PPP3R1: variants seen among roughly 807,000 people sequenced by gnomAD.
The protein encoded by PPP3R1 is calcineurin subunit B type 1.
In PPP3R1, 5 loss-of-function variants were observed where a neutral mutation model predicts 22.6. The observed-to-expected ratio is 0.22, with a 90% CI of 0.12 to 0.46. The LOEUF is 0.46. Ranked by LOEUF, PPP3R1 falls within the 20% of genes least tolerant of loss-of-function variation. The pLI, the probability that PPP3R1 is intolerant of heterozygous loss-of-function variation, is 0.99. For missense variants in PPP3R1, 61 were observed against 203.2 expected (o/e 0.30, Z 4.25); for synonymous variants, 56 against 65.2 (o/e 0.86, Z 0.68).
intron 1 of PPP3R1, among the ~76,000 whole-genome samples, chr2:68,241,427 G>A (rs1208197839): frequency 2.0e-5 from 3 of 152,076 alleles, no homozygotes; most frequent in African/African-American, 4.8e-5. Context: ...ATATACATAT[G>A]TACTGCACTA....
At position 68,238,112 on chromosome 2, in the gene PPP3R1, C is replaced by T. The variant is rs185869103; in HGVS notation, c.3+14013G>A. Among the ~76,000 whole-genome samples, 77 of 152,208 alleles carry T rather than the reference C, an allele frequency of 5.1e-4. No homozygotes were observed. In the Middle Eastern group the frequency reaches 0.01, roughly 20 times the overall value. ...GTTTTCTAAACACTTATCCACAGGA[C>T]TTGCAAAGGTCTCCCTAGTCCTAGA... On this transcript the variant is annotated intron_variant, in intron 1 of 5. Transcript: ENST00000234310.
intron 1 of PPP3R1, among the ~76,000 whole-genome samples, chr2:68,226,160 G>A (rs748793041): frequency 1.3e-5 from 2 of 152,156 alleles, no homozygotes; most frequent in Non-Finnish European, 2.9e-5. Context: ...AGGTGTTGTG[G>A]GGTAGAGGGG....
chr2:68,243,657 T>C (rs1218538633), intron 1 of PPP3R1, among the ~76,000 whole-genome samples: 9 of 152,152 alleles, frequency 5.9e-5, no homozygotes, highest in Admixed American at 5.9e-4. Flanking sequence ...ATGGTCATAG[T>C]TCAGACCCTC....
chr2:68,215,395 T>C (rs1669561141), intron 2 of PPP3R1, among the ~76,000 whole-genome samples: 1 of 152,168 alleles, frequency 6.6e-6, no homozygotes, highest in East Asian at 1.9e-4. Flanking sequence ...TCAACCTGTA[T>C]TCCCTGTCCA....
At chr2:68,182,666 A>G (rs1353821935) in intron 5 of PPP3R1, among the ~76,000 whole-genome samples, 4 of 151,726 alleles carry the variant, frequency 2.6e-5, no homozygotes, top group Non-Finnish European at 4.4e-5. Flanking sequence ...TTAAAAAAAA[A>G]AAAAAAAAAG....
intron 1 of PPP3R1, among the ~76,000 whole-genome samples, chr2:68,242,818 G>A (rs1294144985): frequency 6.6e-6 from 1 of 152,176 alleles, no homozygotes; most frequent in Non-Finnish European, 1.5e-5. Context: ...CCTGAATCTA[G>A]ACAGATTAAA....
At chr2:68,183,355 C>A (rs1002350316) in intron 5 of PPP3R1, among the ~76,000 whole-genome samples, 1 of 152,198 alleles carries the variant, frequency 6.6e-6, no homozygotes, top group African/African-American at 2.4e-5. Context: ...CACCCTACCA[C>A]CCCAGCTCTT....
At chr2:68,197,703 TTCTC>T (rs971933351) in intron 2 of PPP3R1, among the ~76,000 whole-genome samples, 3 of 152,204 alleles carry the variant, frequency 2.0e-5, no homozygotes, top group East Asian at 1.9e-4. Context: ...ATTTGTGAAA[TTCTC>T]TATATACTGA....
At chr2:68,251,524 C>A (rs1670351442) in intron 1 of PPP3R1, among the ~76,000 whole-genome samples, 1 of 152,184 alleles carries the variant, frequency 6.6e-6, no homozygotes, top group African/African-American at 2.4e-5. Flanking sequence ...GAACGGAAAC[C>A]CCGCAGGGCT....
intron 1 of PPP3R1, among the ~76,000 whole-genome samples, chr2:68,233,510 T>G (rs984363625): frequency 5.9e-5 from 9 of 152,186 alleles, no homozygotes; most frequent in African/African-American, 2.2e-4. Flanking sequence ...ATACTGAGTA[T>G]TATGTCCCAA....
At chr2:68,232,669 C>T (rs1184510588) in intron 1 of PPP3R1, among the ~76,000 whole-genome samples, 1 of 152,002 alleles carries the variant, frequency 6.6e-6, no homozygotes, top group Non-Finnish European at 1.5e-5. Context: ...TGCAGTGGCA[C>T]GATCTCAGCT....
intron 2 of PPP3R1, among the ~76,000 whole-genome samples, chr2:68,195,376 G>A (rs1674746622): frequency 6.6e-6 from 1 of 152,112 alleles, no homozygotes; most frequent in African/African-American, 2.4e-5. Flanking sequence ...CCAGTACACT[G>A]TATCAAGGGG....
intron 1 of PPP3R1, among the ~76,000 whole-genome samples, chr2:68,245,554 A>T (rs752844370): frequency 3.3e-5 from 5 of 152,164 alleles, no homozygotes; most frequent in African/African-American, 1.2e-4. Context: ...CTTTATATCT[A>T]ATCACTAGGT....
chr2:68,217,784 A>T (rs531340882), intron 1 of PPP3R1, among the ~76,000 whole-genome samples: 1 of 152,006 alleles, frequency 6.6e-6, no homozygotes, highest in Non-Finnish European at 1.5e-5. Flanking sequence ...ATTTATATAT[A>T]AAAAAAGTAG....
At position 68,232,265 on chromosome 2, in the gene PPP3R1, G is replaced by GTGTA. The variant is rs1259443865; in HGVS notation, c.4-15135_4-15134insTACA. 2.3e-3 allele frequency among the ~76,000 whole-genome samples: 59 copies of GTGTA among 25,396 alleles called. 1 individual carries two copies. The Middle Eastern group carries it at 0.062, about 27-fold the overall frequency. 16.7% of individuals were successfully genotyped at this position (25,396 alleles called of 152,430 possible). ...TGTGTGTGTGTGTGTGTGTGTGTGT[G>GTGTA]TATATATATATACACACACACAAAA... On this transcript the variant is annotated intron_variant, in intron 1 of 5. Coordinates refer to ENST00000234310, the MANE Select transcript of PPP3R1 (RefSeq NM_000945.4).
chr2:68,182,412 C>T (rs1389395444), intron 5 of PPP3R1, among the ~76,000 whole-genome samples: 1 of 152,132 alleles, frequency 6.6e-6, no homozygotes, highest in Non-Finnish European at 1.5e-5. Context: ...ACCTCCAGGT[C>T]TCTTAAGATT....
At chr2:68,229,357 G>A (rs776839342) in intron 1 of PPP3R1, among the ~76,000 whole-genome samples, 1 of 152,130 alleles carries the variant, frequency 6.6e-6, no homozygotes, top group African/African-American at 2.4e-5. Context: ...CTTGGTATAT[G>A]TTCTCTGGTC....
chr2:68,206,066 C>T (rs1675115335), intron 2 of PPP3R1, among the ~76,000 whole-genome samples: 1 of 152,192 alleles, frequency 6.6e-6, no homozygotes, highest in South Asian at 2.1e-4. Flanking sequence ...GATCCGCCCG[C>T]CTCGGCCTCC....
At chr2:68,198,838 CTTTT>C (rs750785123) in intron 2 of PPP3R1, among the ~76,000 whole-genome samples, 2 of 152,178 alleles carry the variant, frequency 1.3e-5, no homozygotes, top group East Asian at 3.9e-4. Context: ...TTGTGTAGGT[CTTTT>C]TAAGTTCCAA....
Sources: allele counts gnomAD v4.1 joint callset (sites outside exome capture counted in the v4.1 genomes callset), GRCh38; gene constraint gnomAD v4.1.1; transcripts MANE v1.5; gene names NCBI Gene and HGNC (gene_info 2026-07-23, HGNC 2026-07-21).